FAM193A: variants seen among roughly 807,000 people sequenced by gnomAD.
FAM193A encodes protein FAM193A.
A neutral mutation model predicts 126.5 loss-of-function variants in FAM193A; 22 were observed. The ratio of observed to expected loss-of-function variants is 0.17; its 90% CI spans 0.12 to 0.25. The LOEUF is 0.25. Among genes scored for constraint, FAM193A ranks in the 10% least tolerant of loss-of-function variants. The pLI, the probability that FAM193A is intolerant of heterozygous loss-of-function variation, is 1.00. For missense variants in FAM193A, 1,675 were observed against 1,672.8 expected, an observed-to-expected ratio of 1.00 and a Z score of -0.02; for synonymous variants, 761 against 646.8, an observed-to-expected ratio of 1.18 and a Z score of -2.68.
At position 2,699,705 on chromosome 4, in the gene FAM193A, C is replaced by G. The variant is rs1239023221; in HGVS notation, c.3533C>G (p.Ala1178Gly). 6.2e-7 allele frequency: 1 copy of G among 1,607,320 alleles called. No homozygotes were observed. The change falls in exon 19 of 21, where the codon GCA becomes GGA. Residue 1178 changes from alanine (A) to glycine (G), a missense_variant. Ala to Gly is a moderately conservative substitution (Grantham distance 60). This residue lies in a region of FAM193A where 415 missense variants were observed against 396.7 expected (regional missense o/e 1.05). Coordinates refer to ENST00000637812, the MANE Select transcript of FAM193A (RefSeq NM_001366318.2). Reference protein sequence around the residue: ...RKLEEKARLEAEARAREHLHL... With the variant: ...RKLEEKARLEGEARAREHLHL... Reference sequence around the variant, plus strand: ...CTGGAGGAGAAAGCTCGCCTAGAAGCAGAGGCCAGGGCCCGGGAGCACCTG... The same window carrying G: ...CTGGAGGAGAAAGCTCGCCTAGAAGGAGAGGCCAGGGCCCGGGAGCACCTG...
chr4:2,579,185 T>A (rs1739777529), intron 1 of FAM193A, among the ~76,000 whole-genome samples: 1 of 151,210 alleles, frequency 6.6e-6, no homozygotes, highest in Non-Finnish European at 1.5e-5. Flanking sequence ...TTTAAATTAA[T>A]CCAGAGCGTA....
chr4:2,619,675 A>ATTTC (rs769191148), intron 2 of FAM193A, among the ~76,000 whole-genome samples: 4 of 148,726 alleles, frequency 2.7e-5, no homozygotes, highest in Non-Finnish European at 6.0e-5. Flanking sequence ...GGACTGGGGA[A>ATTTC]TTTCTTTCTT....
chr4:2,632,663 G>A (rs1412951695), intron 5 of FAM193A, among the ~76,000 whole-genome samples: 1 of 150,992 alleles, frequency 6.6e-6, no homozygotes, highest in South Asian at 2.1e-4. Flanking sequence ...AGAAGAGGTA[G>A]CGAGGTGAAT....
intron 12 of FAM193A, among the ~76,000 whole-genome samples, chr4:2,665,166 A>T (rs1352343057): frequency 6.6e-6 from 1 of 151,304 alleles, no homozygotes; most frequent in Non-Finnish European, 1.5e-5. Context: ...CAGTAGTTCT[A>T]AAAAAATTCC....
chr4:2,659,699 C>T (rs1048037651), intron 9 of FAM193A, 29 bp downstream of exon 9: 1 of 1,610,590 alleles, frequency 6.2e-7, no homozygotes, highest in Non-Finnish European at 8.5e-7. Context: ...GTCAGCACGA[C>T]TGGCCCATTG....
chr4:2,659,774 A>G (rs1031861327), intron 9 of FAM193A, 38 bp from the exon 10 acceptor site: 31 of 1,613,924 alleles, frequency 1.9e-5, no homozygotes, highest in African/African-American at 2.7e-5. Context: ...AGTCTTGTGC[A>G]TTGGTTGGCT....
Position 2,708,787 on chromosome 4 carries a change from A to G in FAM193A, c.4373-7236A>G, listed in dbSNP as rs1389191124. 2.6e-5 allele frequency among the ~76,000 whole-genome samples: 4 copies of G among 152,050 alleles called. No individual in the cohort carries two copies. The East Asian group carries it at 5.8e-4, about 22-fold the overall frequency. On this transcript the variant is annotated intron_variant, in intron 19 of 20. Transcript: ENST00000637812. ...CCTGTATGTTAACTTTATATATTTT[A>G]CTTTACTGAATTTTATTGTTTGAGT...
intron 19 of FAM193A, among the ~76,000 whole-genome samples, chr4:2,704,221 C>G (rs765708462): frequency 4.0e-5 from 6 of 150,162 alleles, no homozygotes; most frequent in South Asian, 2.1e-4. Flanking sequence ...CGAGATCACA[C>G]CACTGCCCTC....
intron 20 of FAM193A, among the ~76,000 whole-genome samples, chr4:2,723,684 A>G (rs1033657960): frequency 3.3e-5 from 5 of 152,280 alleles, no homozygotes; most frequent in Non-Finnish European, 5.9e-5. Context: ...AAATAAGATC[A>G]TCACAAAAGA....
chr4:2,537,955 A>G (rs1736989930), intron 1 of FAM193A, among the ~76,000 whole-genome samples: 1 of 152,154 alleles, frequency 6.6e-6, no homozygotes, highest in Non-Finnish European at 1.5e-5. Flanking sequence ...GATTCCTGCC[A>G]CTTTTATTCA....
Position 2,731,758 on chromosome 4 carries a change from G to T in FAM193A, c.4455-17G>T. The T allele has an allele frequency of 6.2e-7, 1 of 1,604,416 alleles. No individual in the cohort carries two copies. Among genetic ancestry groups the T allele is most frequent in the Non-Finnish European group, 8.5e-7 (1 of 1,171,582 alleles). ...GGCTGTTTCCTTCAGTGACTGTTTG[G>T]CTTTTTGTCTTTGCAGGTTCTGCTT... On this transcript the variant is annotated splice_polypyrimidine_tract_variant and intron_variant, in intron 20 of 20. Transcript: ENST00000637812.
At chr4:2,613,578 C>T (rs987552584) in intron 2 of FAM193A, among the ~76,000 whole-genome samples, 3 of 151,602 alleles carry the variant, frequency 2.0e-5, no homozygotes, top group South Asian at 2.1e-4. Flanking sequence ...CTCAGCCTCC[C>T]GAGTAGCTGG....
At chr4:2,573,390 G>A (rs1739402929) in intron 1 of FAM193A, among the ~76,000 whole-genome samples, 1 of 151,988 alleles carries the variant, frequency 6.6e-6, no homozygotes, top group South Asian at 2.1e-4. Flanking sequence ...ACGGGCACCT[G>A]TAATCCCAGC....
chr4:2,659,717 ACTGGG>A, intron 9 of FAM193A, 47 bp downstream of exon 9: 1 of 1,612,056 alleles, frequency 6.2e-7, no homozygotes, highest in Non-Finnish European at 8.5e-7. Flanking sequence ...TTGGACCTTC[ACTGGG>A]CTGAGTGGAG....
intron 1 of FAM193A, among the ~76,000 whole-genome samples, chr4:2,588,754 T>G (rs565642963): frequency 5.3e-5 from 8 of 152,358 alleles, no homozygotes; most frequent in African/African-American, 1.9e-4. Context: ...GTAAAGACTG[T>G]TAATACCTTA....
At chr4:2,552,656 G>A (rs528992329) in intron 1 of FAM193A, among the ~76,000 whole-genome samples, 49 of 151,646 alleles carry the variant, frequency 3.2e-4, no homozygotes, top group Non-Finnish European at 5.9e-4. Flanking sequence ...TCCTGCCTCA[G>A]CCTCCTGAGT....
intron 13 of FAM193A, among the ~76,000 whole-genome samples, chr4:2,676,126 T>A (rs969469090): frequency 1.3e-5 from 2 of 152,268 alleles, no homozygotes; most frequent in Non-Finnish European, 2.9e-5. Flanking sequence ...TTCAGTTGTT[T>A]GGGGTGTGTA....
At chr4:2,626,179 T>A (rs1255007701) in intron 3 of FAM193A, among the ~76,000 whole-genome samples, 1 of 152,104 alleles carries the variant, frequency 6.6e-6, no homozygotes, top group Non-Finnish European at 1.5e-5. Context: ...TTGTGGACAT[T>A]AGCCACAGAT....
At chr4:2,674,306 C>A (rs1714156105) in intron 13 of FAM193A, among the ~76,000 whole-genome samples, 1 of 152,220 alleles carries the variant, frequency 6.6e-6, no homozygotes, top group African/African-American at 2.4e-5. Context: ...TTGACCACAT[C>A]TGTGCCTAAA....
Sources: allele counts gnomAD v4.1 joint callset (sites outside exome capture counted in the v4.1 genomes callset), GRCh38; gene constraint gnomAD v4.1.1; regional missense constraint gnomAD v4.1.1; transcripts MANE v1.5; gene names NCBI Gene and HGNC (gene_info 2026-07-23, HGNC 2026-07-21).